Variants in DAG1 observed in about 807,000 individuals in gnomAD.
DAG1 encodes the protein dystroglycan 1, also known as dystroglycan 1 (dystrophin-associated glycoprotein 1).
A neutral mutation model predicts 46.1 loss-of-function variants in DAG1; 8 were observed. That is an observed-to-expected ratio of 0.17 (90% CI 0.10 to 0.31). The LOEUF (loss-of-function observed/expected upper bound fraction) is 0.31, where lower values mean the gene tolerates loss of function less well. DAG1 is among the 10% of genes least tolerant of loss of function. DAG1 has a pLI of 1.00. For synonymous variants in DAG1, 495 were observed against 481.8 expected, an observed-to-expected ratio of 1.03 and a Z score of -0.36; for missense variants, 1,003 against 1,189.9, an observed-to-expected ratio of 0.84 and a Z score of 2.31.
intron 2 of DAG1, among the ~76,000 whole-genome samples, chr3:49,530,251 A>G (rs1388325800): frequency 1.3e-5 from 2 of 152,174 alleles, no homozygotes; most frequent in African/African-American, 4.8e-5. Context: ...TTGTAATGTG[A>G]GTCCTTCAGA....
In DAG1 at chr3:49,534,922, T is replaced by G. The variant is rs915524789; in HGVS notation, c.*1723T>G. The G allele has an allele frequency of 6.5e-6, 1 of 152,736 alleles. No homozygotes were observed. Among genetic ancestry groups the G allele is most frequent in the Non-Finnish European group, 1.5e-5 (1 of 68,234 alleles). 9.5% of individuals were successfully genotyped at this position (152,736 alleles called of 1,614,324 possible). On this transcript the variant is annotated 3_prime_UTR_variant, in exon 3 of 3. Transcript: ENST00000308775. ...TACTTCTAAGCCATATCGACTGTTTTGCAGAGGATTTGTGTGTGCTGCCTC... is the reference window on the plus strand; with the variant it reads ...TACTTCTAAGCCATATCGACTGTTTGGCAGAGGATTTGTGTGTGCTGCCTC...
intron 1 of DAG1, among the ~76,000 whole-genome samples, chr3:49,486,785 G>C (rs541868332): frequency 6.6e-6 from 1 of 152,370 alleles, no homozygotes; most frequent in East Asian, 1.9e-4. Context: ...TTACAGGCGT[G>C]AGACACTGCG....
At chr3:49,517,155 G>A (rs954712868) in intron 2 of DAG1, among the ~76,000 whole-genome samples, 2 of 151,830 alleles carry the variant, frequency 1.3e-5, no homozygotes, top group Non-Finnish European at 2.9e-5. Context: ...TACCATGCCC[G>A]GCTAATTTTT....
At chr3:49,494,548 A>G (rs1272071267) in intron 1 of DAG1, among the ~76,000 whole-genome samples, 3 of 152,200 alleles carry the variant, frequency 2.0e-5, no homozygotes, top group Non-Finnish European at 4.4e-5. Context: ...TTCGTAGTGT[A>G]ATGGAAAAAA....
At position 49,533,449 on chromosome 3, in the gene DAG1, T is replaced by C. The variant is rs1050088; in HGVS notation, c.*250T>C. 317,854 of 675,908 alleles carry C rather than the reference T, an allele frequency of 0.47. 83,950 individuals are homozygous for C. Among genetic ancestry groups the C allele is most frequent in the East Asian group, 0.93 (32,434 of 34,746 alleles). 41.9% of individuals were successfully genotyped at this position (675,908 alleles called of 1,614,324 possible). ...CAGCTTTTGGTTTGTTCATAGAGAA[T>C]TCTTCGCTTCATTTTTGATGGCTGG... On this transcript the variant is annotated 3_prime_UTR_variant, in exon 3 of 3. Transcript: ENST00000308775.
chr3:49,486,364 G>T (rs1390851946), intron 1 of DAG1, among the ~76,000 whole-genome samples: 1 of 151,820 alleles, frequency 6.6e-6, no homozygotes, highest in African/African-American at 2.4e-5. Flanking sequence ...GACTATAGGC[G>T]CATGCCACCA....
At chr3:49,494,081 C>G (rs2050252014) in intron 1 of DAG1, among the ~76,000 whole-genome samples, 1 of 152,134 alleles carries the variant, frequency 6.6e-6, no homozygotes, top group East Asian at 1.9e-4. Flanking sequence ...AAAACCTGAG[C>G]AAAGGGAGTG....
chr3:49,521,119 C>T (rs1342995473), intron 2 of DAG1, among the ~76,000 whole-genome samples: 2 of 151,956 alleles, frequency 1.3e-5, no homozygotes, highest in African/African-American at 2.4e-5. Flanking sequence ...AGAGACTTTG[C>T]TTGAGTTTCA....
chr3:49,510,622 C>T lies in DAG1; in HGVS notation c.88C>T (p.His30Tyr). The stretch of plus-strand genomic sequence containing the variant: ...GCTCTCTGTGGTTATGGCTCAGTCC[C>T]ACTGGCCCAGTGAACCCTCAGAGGC... ...LLLSVVMAQS[H>Y]WPSEPSEAVR... Residue 30 changes from histidine to tyrosine, a missense_variant, in exon 2 of 3, where the codon CAC (histidine) becomes TAC (tyrosine). By Grantham distance (83) the His-to-Tyr change is moderately conservative (BLOSUM62 2). This residue lies in a region of DAG1 where 196 missense variants were observed against 239.1 expected (regional missense o/e 0.82). Transcript: ENST00000308775. The T allele has an allele frequency of 6.2e-7, 1 of 1,614,142 alleles. No homozygotes were observed. Among genetic ancestry groups the T allele is most frequent in the Non-Finnish European group, 8.5e-7 (1 of 1,180,022 alleles).
In DAG1 at chr3:49,531,867, A is replaced by G. The variant is rs201720631; in HGVS notation, c.1356A>G (p.Lys452=). The part of the protein sequence containing the change: ...TTTTTRRPTK[K]PRTPRPVPRV... ...CCACGACTCGCAGGCCAACCAAGAA[A>G]CCACGGACACCCCGGCCAGTGCCCC... Residue 452 remains lysine, a synonymous_variant, in exon 3 of 3, where the codon AAA becomes AAG. Coordinates refer to ENST00000308775, the MANE Select transcript of DAG1 (RefSeq NM_004393.6). The surrounding 1 kb of genome is among the most constrained non-coding windows in gnomAD (Gnocchi z 7.0). The G allele has an allele frequency of 8.1e-6, 13 of 1,613,876 alleles. No homozygotes were observed. The highest frequency in any genetic ancestry group is 1.1e-5 in the Non-Finnish European group (13 of 1,180,012).
At chr3:49,492,544 G>T (rs918250846) in intron 1 of DAG1, among the ~76,000 whole-genome samples, 2 of 152,120 alleles carry the variant, frequency 1.3e-5, no homozygotes, top group African/African-American at 4.8e-5. Flanking sequence ...CTATTTGGGA[G>T]GCTGAGGTAG....
At chr3:49,483,050 A>G (rs528622740) in intron 1 of DAG1, among the ~76,000 whole-genome samples, 3 of 152,224 alleles carry the variant, frequency 2.0e-5, no homozygotes, top group South Asian at 4.1e-4. Context: ...GGAATTCCAA[A>G]TAAGATTTCC....
rs1315800962 is a variant in DAG1 at position 49,530,903 on chromosome 3, T to C, written c.392T>C (p.Ile131Thr). ...PLDTDKGVHY[I>T]SVSATRLGAN... ...GACACTGATAAGGGTGTGCATTACA[T>C]TTCAGTGAGCGCTACACGGCTGGGG... The change falls in exon 3 of 3, where the codon ATT becomes ACT. Residue 131 changes from isoleucine (I) to threonine (T), a missense_variant. Ile to Thr is a moderately conservative substitution (Grantham distance 89). Around this residue, in one of 3 missense-constraint regions of DAG1, gnomAD observed 196 missense variants for 239.1 expected, o/e 0.82. Transcript: ENST00000308775. The C allele has an allele frequency of 6.2e-7, 1 of 1,614,098 alleles. No homozygotes were observed. The highest frequency in any genetic ancestry group is 1.7e-5 in the Admixed American group (1 of 60,016).
chr3:49,527,410 G>C (rs1412256394), intron 2 of DAG1, among the ~76,000 whole-genome samples: 3 of 151,910 alleles, frequency 2.0e-5, no homozygotes, highest in Non-Finnish European at 4.4e-5. Flanking sequence ...TGTAGTCCCA[G>C]CTACAGGAGA....
intron 1 of DAG1, among the ~76,000 whole-genome samples, chr3:49,506,284 C>CT (rs1474818117): frequency 6.6e-6 from 1 of 152,156 alleles, no homozygotes; most frequent in African/African-American, 2.4e-5. Context: ...GGCCACTATA[C>CT]TTTTTTTCTC....
At chr3:49,513,383 A>C (rs1351882125) in intron 2 of DAG1, among the ~76,000 whole-genome samples, 1 of 152,156 alleles carries the variant, frequency 6.6e-6, no homozygotes, top group Non-Finnish European at 1.5e-5. Context: ...AAGGCCCAGA[A>C]CTTGCCCAAC....
At chr3:49,484,317 G>A (rs763991091) in intron 1 of DAG1, among the ~76,000 whole-genome samples, 1 of 152,000 alleles carries the variant, frequency 6.6e-6, no homozygotes, top group Non-Finnish European at 1.5e-5. Flanking sequence ...AGCAGGAGAC[G>A]TTGGTTCTTC....
At chr3:49,500,733 A>G (rs1332813101) in intron 1 of DAG1, among the ~76,000 whole-genome samples, 1 of 152,184 alleles carries the variant, frequency 6.6e-6, no homozygotes, top group Non-Finnish European at 1.5e-5. Flanking sequence ...TGTGGCCAGA[A>G]TCTTGCCAGA....
chr3:49,483,671 A>G (rs2049943212), intron 1 of DAG1, among the ~76,000 whole-genome samples: 1 of 133,612 alleles, frequency 7.5e-6, no homozygotes, highest in African/African-American at 2.6e-5. Flanking sequence ...GATTGAAGAA[A>G]TTGTGTTTTC....
Sources: allele counts gnomAD v4.1 joint callset (sites outside exome capture counted in the v4.1 genomes callset), GRCh38; gene constraint gnomAD v4.1.1; regional missense constraint gnomAD v4.1.1; non-coding constraint Gnocchi (gnomAD v3.1); transcripts MANE v1.5; gene names NCBI Gene and HGNC (gene_info 2026-07-23, HGNC 2026-07-21).